FAT3: variants seen among roughly 807,000 people sequenced by gnomAD.
The protein encoded by FAT3 is protocadherin Fat 3.
Under a neutral mutation model 310.2 loss-of-function variants are expected in FAT3, and 95 were observed. That is an observed-to-expected ratio of 0.31 (90% confidence interval 0.26 to 0.36). The LOEUF (loss-of-function observed/expected upper bound fraction) is 0.36, where lower values mean the gene tolerates loss of function less well. Ranked by LOEUF, FAT3 falls within the 10% of genes least tolerant of loss-of-function variation. The pLI is 1.00. For missense variants in FAT3, 5,408 were observed against 5,715.6 expected (o/e 0.95, Z 1.74); for synonymous variants, 2,314 against 2,192.9 (o/e 1.06, Z -1.54).
intron 13 of FAT3, among the ~76,000 whole-genome samples, chr11:92,814,776 A>T (rs1301106949): frequency 1.3e-5 from 2 of 152,242 alleles, no homozygotes; most frequent in African/African-American, 4.8e-5. Flanking sequence ...ATTGAAAGCT[A>T]GATGATGGGT....
intron 1 of FAT3, among the ~76,000 whole-genome samples, chr11:92,289,500 T>TACACACAC (rs10562084): frequency 0.073 from 10,470 of 144,198 alleles, 413 homozygotes; most frequent in East Asian, 0.22. Context: ...CCATGATAGA[T>TACACACAC]ACACACACAC....
At chr11:92,757,235 C>T (rs773997627) in intron 4 of FAT3, among the ~76,000 whole-genome samples, 22 of 152,028 alleles carry the variant, frequency 1.4e-4, no homozygotes, top group South Asian at 4.1e-4. Context: ...ATTTGTGGCT[C>T]CTTTTATTAG....
intron 3 of FAT3, among the ~76,000 whole-genome samples, chr11:92,544,526 T>C (rs1954555665): frequency 6.6e-6 from 1 of 152,098 alleles, no homozygotes; most frequent in African/African-American, 2.4e-5. Context: ...CAGAAGCAAG[T>C]GTTGAACTAC....
At chr11:92,723,447 A>C (rs1455118570) in intron 4 of FAT3, among the ~76,000 whole-genome samples, 2 of 152,158 alleles carry the variant, frequency 1.3e-5, no homozygotes, top group African/African-American at 4.8e-5. Flanking sequence ...GGAAGTTCCA[A>C]ACTTTCCCAT....
chr11:92,467,258 T>A (rs1951787712), intron 2 of FAT3, among the ~76,000 whole-genome samples: 1 of 152,188 alleles, frequency 6.6e-6, no homozygotes, highest in African/African-American at 2.4e-5. Flanking sequence ...TCCTGACTTT[T>A]TAATGATTGC....
intron 3 of FAT3, among the ~76,000 whole-genome samples, chr11:92,533,087 G>T (rs1290462889): frequency 6.6e-6 from 1 of 152,064 alleles, no homozygotes; most frequent in South Asian, 2.1e-4. Context: ...AGGCTGGAGT[G>T]CAGTAGCATG....
intron 4 of FAT3, among the ~76,000 whole-genome samples, chr11:92,712,618 C>T (rs1026457455): frequency 8.5e-5 from 13 of 152,218 alleles, no homozygotes; most frequent in African/African-American, 3.1e-4. Context: ...CTTACCTTCT[C>T]TTTTCATTGT....
Position 92,592,141 on chromosome 11 carries a change from C to T in FAT3, c.3607+67193C>T, listed in dbSNP as rs149141322. Among the ~76,000 whole-genome samples, 587 of 151,944 alleles carry T rather than the reference C, an allele frequency of 3.9e-3. 13 individuals carry two copies. The highest frequency in any genetic ancestry group is 3.4e-3 in the Non-Finnish European group (232 of 67,990). On this transcript the variant is annotated intron_variant, in intron 3 of 27. Transcript: ENST00000525166. ...ATATAGGAACTCTGTAACTTATGCTCAGTTTTTCTGTAAACCTAGAAGTGT... is the reference window on the plus strand; with the variant it reads ...ATATAGGAACTCTGTAACTTATGCTTAGTTTTTCTGTAAACCTAGAAGTGT...
intron 1 of FAT3, among the ~76,000 whole-genome samples, chr11:92,319,838 A>T (rs1947561237): frequency 6.6e-6 from 1 of 152,320 alleles, no homozygotes; most frequent in Non-Finnish European, 1.5e-5. Flanking sequence ...TGCTTGTACT[A>T]GTGTTTTTCA....
At chr11:92,512,381 C>A (rs1195667556) in intron 2 of FAT3, among the ~76,000 whole-genome samples, 1 of 151,200 alleles carries the variant, frequency 6.6e-6, no homozygotes, top group African/African-American at 2.4e-5. Flanking sequence ...CAGAAAAGGG[C>A]TAAGGAGAAC....
Position 92,831,848 on chromosome 11 carries a change from T to G in FAT3, c.9708T>G (p.Phe3236Leu), listed in dbSNP as rs372366065. 6.2e-7 allele frequency: 1 copy of G among 1,613,594 alleles called. No individual in the cohort carries two copies. The highest frequency in any genetic ancestry group is 1.3e-5 in the African/African-American group (1 of 74,892). Residue 3236 changes from phenylalanine (F) to leucine (L), a missense_variant, in exon 14 of 28, where the codon TTT (phenylalanine) becomes TTG (leucine). This residue lies in a region of FAT3 where 4,588 missense variants were observed against 4,809.8 expected (regional missense o/e 0.95). Coordinates refer to ENST00000525166, the MANE Select transcript of FAT3 (RefSeq NM_001367949.2). Reference protein sequence around the residue: ...VLDINDNPPVFERRDYLVTVP... With the variant: ...VLDINDNPPVLERRDYLVTVP... ...ACATTAATGACAACCCCCCTGTGTT[T>G]GAGAGGAGGGACTACCTGGTGACGG...
chr11:92,255,567 T>C (rs1166213339), intron 1 of FAT3, among the ~76,000 whole-genome samples: 1 of 152,110 alleles, frequency 6.6e-6, no homozygotes, highest in Admixed American at 6.6e-5. Context: ...ATGGGCACTC[T>C]GAATATTAAG....
rs547534438 is a variant in FAT3, at chr11:92,593,688, C to CA, written c.3607+68744dup. ...AGAGTCTGCAGCACTGACCTTGTTG[C>CA]AAAATATAGTACTCTGTTTCACAAG... is the stretch of plus-strand genomic sequence containing the variant. On this transcript the variant is annotated intron_variant, in intron 3 of 27. Transcript: ENST00000525166. Among the ~76,000 whole-genome samples, 26 of 152,166 alleles carry CA rather than the reference C, an allele frequency of 1.7e-4. 3 individuals are homozygous for CA. The South Asian group carries it at 5.4e-3, about 32-fold the overall frequency.
intron 1 of FAT3, among the ~76,000 whole-genome samples, chr11:92,256,572 A>G (rs1865326820): frequency 6.6e-6 from 1 of 152,150 alleles, no homozygotes; most frequent in Non-Finnish European, 1.5e-5. Context: ...AAATCCATGT[A>G]TCATTTGGCA....
chr11:92,793,931 C>A (rs918649811), intron 9 of FAT3, among the ~76,000 whole-genome samples: 34 of 151,722 alleles, frequency 2.2e-4, no homozygotes, highest in African/African-American at 8.2e-4. Context: ...AAGCCAACAA[C>A]CTTCTAAAAA....
intron 5 of FAT3, among the ~76,000 whole-genome samples, chr11:92,762,710 T>C (rs1399809138): frequency 1.3e-5 from 2 of 152,152 alleles, no homozygotes; most frequent in African/African-American, 2.4e-5. Flanking sequence ...TTTATTAAAT[T>C]AGAAAAGTAA....
intron 2 of FAT3, among the ~76,000 whole-genome samples, chr11:92,470,658 G>C (rs948511191): frequency 6.6e-6 from 1 of 152,138 alleles, no homozygotes; most frequent in Non-Finnish European, 1.5e-5. Flanking sequence ...AGTGATCCAA[G>C]GGTGATCATT....
At chr11:92,772,589 T>C (rs1396440653) in intron 6 of FAT3, among the ~76,000 whole-genome samples, 1 of 152,142 alleles carries the variant, frequency 6.6e-6, no homozygotes, top group Admixed American at 6.5e-5. Context: ...ATTAAAGATA[T>C]TAATTGGAAG....
intron 3 of FAT3, among the ~76,000 whole-genome samples, chr11:92,689,490 G>GA: frequency 6.6e-6 from 1 of 152,324 alleles, no homozygotes; most frequent in East Asian, 1.9e-4. Flanking sequence ...TTTCTCTGAA[G>GA]AAATCCAATA....
Sources: gnomAD v4.1 joint callset for allele counts (sites outside exome capture counted in the v4.1 genomes callset) on GRCh38, gnomAD v4.1.1 for gene constraint, gnomAD v4.1.1 regional missense constraint, MANE v1.5 for transcripts, NCBI Gene and HGNC (gene_info 2026-07-23, HGNC 2026-07-21) for gene names.